Variants in PDS5A observed in about 807,000 individuals in gnomAD.
The protein encoded by PDS5A is PDS5 cohesin associated factor A, also known as sister chromatid cohesion protein PDS5 homolog A.
A neutral mutation model predicts 167.1 loss-of-function variants in PDS5A; 42 were observed. The ratio of observed to expected loss-of-function variants is 0.25; its 90% CI spans 0.20 to 0.33. The LOEUF is 0.33. PDS5A is among the 10% of genes least tolerant of loss of function. The pLI is 1.00. For synonymous variants in PDS5A, 553 were observed against 554.6 expected, an observed-to-expected ratio of 1.00 and a Z score of 0.04; for missense variants, 1,033 against 1,605.9, an observed-to-expected ratio of 0.64 and a Z score of 6.10.
At chr4:39,909,111 C>T (rs1167503727) in intron 10 of PDS5A, among the ~76,000 whole-genome samples, 2 of 111,782 alleles carry the variant, frequency 1.8e-5, no homozygotes, top group African/African-American at 2.8e-5. Flanking sequence ...ACAGTTACAT[C>T]TTTTTTTTAA....
intron 8 of PDS5A, among the ~76,000 whole-genome samples, chr4:39,916,202 C>CA (rs1308092295): frequency 5.6e-5 from 4 of 71,184 alleles, no homozygotes; most frequent in African/African-American, 1.3e-4. Flanking sequence ...AAAAAAACAA[C>CA]AACAACAAAA....
intron 5 of PDS5A, among the ~76,000 whole-genome samples, 158 bp downstream of exon 5, chr4:39,925,678 C>G (rs1430457159): frequency 1.3e-5 from 2 of 152,108 alleles, no homozygotes; most frequent in African/African-American, 4.8e-5. Flanking sequence ...AGGCAGTGTT[C>G]GGACAACAGA....
At chr4:39,964,227 T>C (rs1229836368) in intron 2 of PDS5A, among the ~76,000 whole-genome samples, 1 of 152,078 alleles carries the variant, frequency 6.6e-6, no homozygotes, top group East Asian at 1.9e-4. Flanking sequence ...TTAGAGGAAA[T>C]CCAGGTTTTG....
At chr4:39,868,725 C>T (rs894860209) in intron 22 of PDS5A, 6 of 454,136 alleles carry the variant, frequency 1.3e-5, no homozygotes, top group African/African-American at 4.0e-5. Flanking sequence ...CCTGCTCTGC[C>T]TCCCAAAGTG....
At chr4:39,837,770 G>A (rs1716563657) in intron 32 of PDS5A, 86 bp downstream of exon 32, 1 of 915,614 alleles carries the variant, frequency 1.1e-6, no homozygotes, top group Admixed American at 2.8e-5. Context: ...AAATGCTTAG[G>A]TGTTTGGGGT....
intron 23 of PDS5A, among the ~76,000 whole-genome samples, chr4:39,864,691 T>A (rs1236019480): frequency 1.3e-5 from 2 of 152,212 alleles, no homozygotes; most frequent in Non-Finnish European, 2.9e-5. Context: ...CCTCAAATGG[T>A]TTCTATGGCA....
At chr4:39,837,190 A>C in intron 32 of PDS5A, 1 of 152,138 alleles carries the variant, frequency 6.6e-6, no homozygotes. Context: ...TGAGCTGATC[A>C]AATCTGGGAC....
intron 13 of PDS5A, 44 bp downstream of exon 13, chr4:39,902,303 C>A (rs572156260): frequency 2.5e-5 from 22 of 879,282 alleles, no homozygotes; most frequent in Non-Finnish European, 3.6e-5. Flanking sequence ...AGTAATTTTA[C>A]GAAATCCTTA....
chr4:39,893,986 T>C (rs912527203), intron 16 of PDS5A, among the ~76,000 whole-genome samples: 8 of 152,234 alleles, frequency 5.3e-5, no homozygotes, highest in African/African-American at 1.7e-4. Context: ...CTTTTCAAGC[T>C]ATTTCATTGT....
intron 9 of PDS5A, among the ~76,000 whole-genome samples, 160 bp downstream of exon 9, chr4:39,913,450 AT>A (rs1724074857): frequency 6.6e-6 from 1 of 152,196 alleles, no homozygotes; most frequent in African/African-American, 2.4e-5. Context: ...TTCATAAAAA[AT>A]TTTTCATACA....
rs561278061 is a variant in PDS5A, at chr4:39,944,173, C to T, written c.139-16009G>A. Among the ~76,000 whole-genome samples, 612 of 106,634 alleles carry T rather than the reference C, an allele frequency of 5.7e-3. 6 individuals are homozygous for T. Among genetic ancestry groups the T allele is most frequent in the African/African-American group, 0.019 (583 of 30,062 alleles). The allele number at this position is 106,634 out of a possible 152,430, so 70.0% of individuals were successfully genotyped here. On this transcript the variant is annotated intron_variant, in intron 2 of 32. Transcript: ENST00000303538. ...CAGCCTGGGAAACAGAGTGAGACTC[C>T]GTCTCAAAAAAAAAAAAAAAAAAAA...
Position 39,947,725 on chromosome 4 carries a change from A to C in PDS5A, c.139-19561T>G, listed in dbSNP as rs577357912. The stretch of plus-strand genomic sequence containing the variant: ...GGTCACATGTGACCCACGGGCTGTG[A>C]GTTGGACCAAGCTTGTTTATAAGAA... On this transcript the variant is annotated intron_variant, in intron 2 of 32. Transcript: ENST00000303538. Among the ~76,000 whole-genome samples, 4 of 152,306 alleles carry C rather than the reference A, an allele frequency of 2.6e-5. No individual in the cohort carries two copies. In the East Asian group the frequency reaches 7.7e-4, roughly 29 times the overall value.
At chr4:39,900,233 C>T (rs575601271) in intron 14 of PDS5A, among the ~76,000 whole-genome samples, 193 bp downstream of exon 14, 2 of 152,102 alleles carry the variant, frequency 1.3e-5, no homozygotes, top group African/African-American at 4.8e-5. Context: ...TCTTTGCTCA[C>T]ACTAGAAAAT....
At chr4:39,846,522 T>A (rs566746716) in intron 28 of PDS5A, 2 of 152,282 alleles carry the variant, frequency 1.3e-5, no homozygotes, top group South Asian at 4.2e-4. Context: ...AGACCAACTG[T>A]CAAAATACAA....
chr4:39,967,188 C>T (rs139874499), intron 2 of PDS5A, among the ~76,000 whole-genome samples: 12 of 151,920 alleles, frequency 7.9e-5, no homozygotes, highest in Admixed American at 3.9e-4. Context: ...ACCTGTAATC[C>T]CAACTACTCA....
intron 2 of PDS5A, among the ~76,000 whole-genome samples, chr4:39,951,442 T>C (rs936703790): frequency 6.6e-6 from 1 of 152,198 alleles, no homozygotes; most frequent in Admixed American, 6.6e-5. Flanking sequence ...CCAGAAGCAA[T>C]TGTAAGGAAA....
Position 39,920,270 on chromosome 4 carries a change from T to C in PDS5A, c.735+49A>G, listed in dbSNP as rs773347301. ...AAGAGGTTCTAATAAATTAATACAA[T>C]GGATTAAGAATTACAAAATATAGAA... On this transcript the variant is annotated intron_variant, in intron 7 of 32. Coordinates refer to ENST00000303538, the MANE Select transcript of PDS5A (RefSeq NM_001100399.2). 9 of 793,880 alleles carry C rather than the reference T, an allele frequency of 1.1e-5. No individual in the cohort carries two copies. The East Asian group carries it at 1.6e-4, about 14-fold the overall frequency. The allele number at this position is 793,880 out of a possible 1,614,324, so 49.2% of individuals were successfully genotyped here. A position where few individuals can be genotyped will look rare whatever the true frequency, so the allele number is the denominator to read the frequency against.
At chr4:39,896,343 T>A (rs530235292) in intron 16 of PDS5A, among the ~76,000 whole-genome samples, 390 of 139,754 alleles carry the variant, frequency 2.8e-3, no homozygotes, top group African/African-American at 0.011. Context: ...AATGTACTGA[T>A]CTTTTTTTTT....
At chr4:39,866,802 T>G in intron 23 of PDS5A, 59 bp downstream of exon 23, 1 of 1,481,408 alleles carries the variant, frequency 6.8e-7, no homozygotes, top group Non-Finnish European at 9.3e-7. Context: ...AAATAATTCC[T>G]ATGTAAATTC....
Sources: allele counts gnomAD v4.1 joint callset (sites outside exome capture counted in the v4.1 genomes callset), GRCh38; gene constraint gnomAD v4.1.1; transcripts MANE v1.5; gene names NCBI Gene and HGNC (gene_info 2026-07-23, HGNC 2026-07-21).